Variants in RAB7A observed in about 807,000 individuals in gnomAD.
RAB7A encodes the protein RAB7A, member RAS oncogene family, also known as ras-related protein Rab-7a.
A neutral mutation model predicts 24.5 loss-of-function variants in RAB7A; 2 were observed. The observed-to-expected ratio is 0.08, with a 90% CI of 0.03 to 0.26. The LOEUF is 0.26. Among genes scored for constraint, RAB7A ranks in the 10% least tolerant of loss-of-function variants. The pLI, the probability that RAB7A is intolerant of heterozygous loss-of-function variation, is 1.00. For missense variants in RAB7A, 118 were observed against 255.7 expected, an observed-to-expected ratio of 0.46 and a Z score of 3.67; for synonymous variants, 100 against 95.9, an observed-to-expected ratio of 1.04 and a Z score of -0.25.
intron 1 of RAB7A, among the ~76,000 whole-genome samples, chr3:128,740,926 CT>C (rs1262199173): frequency 2.3e-5 from 3 of 130,870 alleles, no homozygotes; most frequent in Non-Finnish European, 5.0e-5. Flanking sequence ...AAAAAAAAGA[CT>C]TGTGTTTCTT....
At chr3:128,810,399 A>G (rs1055004004) in intron 5 of RAB7A, among the ~76,000 whole-genome samples, 2 of 152,068 alleles carry the variant, frequency 1.3e-5, no homozygotes, top group Non-Finnish European at 2.9e-5. Context: ...TGGCTGTTGC[A>G]TTAGTCTGCT....
At chr3:128,767,035 T>A (rs1277246359) in intron 1 of RAB7A, among the ~76,000 whole-genome samples, 1 of 152,176 alleles carries the variant, frequency 6.6e-6, no homozygotes, top group Non-Finnish European at 1.5e-5. Context: ...TGACCATCAC[T>A]GGGGTCTGAT....
At chr3:128,731,661 C>G (rs1045482308) in intron 1 of RAB7A, among the ~76,000 whole-genome samples, 3 of 152,122 alleles carry the variant, frequency 2.0e-5, no homozygotes, top group Non-Finnish European at 4.4e-5. Flanking sequence ...ACCATCCTGC[C>G]TTTCCATTAT....
chr3:128,799,877 C>T (rs114298734), intron 3 of RAB7A, among the ~76,000 whole-genome samples: 2,391 of 152,058 alleles, frequency 0.016, 32 homozygotes, highest in Non-Finnish European at 0.027. Context: ...CATTTAGTAC[C>T]GCAGGAGAGA....
intron 1 of RAB7A, among the ~76,000 whole-genome samples, chr3:128,729,897 G>T (rs2070417696): frequency 6.6e-6 from 1 of 152,122 alleles, no homozygotes; most frequent in Non-Finnish European, 1.5e-5. Flanking sequence ...GTTCCCCTTG[G>T]CATTAAATGT....
At chr3:128,794,239 T>G (rs1197338362) in intron 1 of RAB7A, among the ~76,000 whole-genome samples, 2 of 152,214 alleles carry the variant, frequency 1.3e-5, no homozygotes, top group African/African-American at 4.8e-5. Context: ...TGGCATACCT[T>G]AAGATGGTAG....
chr3:128,760,534 TAG>T (rs2070768923), intron 1 of RAB7A, among the ~76,000 whole-genome samples: 1 of 152,178 alleles, frequency 6.6e-6, no homozygotes, highest in Non-Finnish European at 1.5e-5. Flanking sequence ...TCCTACAATG[TAG>T]AGTGCTAATA....
At chr3:128,790,521 A>G (rs1933433387) in intron 1 of RAB7A, among the ~76,000 whole-genome samples, 1 of 152,248 alleles carries the variant, frequency 6.6e-6, no homozygotes, top group Non-Finnish European at 1.5e-5. Context: ...TTTCTGCTTC[A>G]TGTGTAACCA....
At chr3:128,738,594 T>TA (rs1336450100) in intron 1 of RAB7A, among the ~76,000 whole-genome samples, 2 of 152,326 alleles carry the variant, frequency 1.3e-5, no homozygotes, top group African/African-American at 2.4e-5. Context: ...CTTGACCACT[T>TA]ACGTCTATAG....
At chr3:128,799,612 GT>G (rs1286098154) in intron 3 of RAB7A, among the ~76,000 whole-genome samples, 3 of 151,434 alleles carry the variant, frequency 2.0e-5, no homozygotes, top group Non-Finnish European at 4.4e-5. Context: ...GACAGAGCTG[GT>G]ATGAATCTCT....
chr3:128,752,978 G>A (rs187201537), intron 1 of RAB7A, among the ~76,000 whole-genome samples: 21 of 152,246 alleles, frequency 1.4e-4, no homozygotes, highest in Admixed American at 9.2e-4. Flanking sequence ...CTGACATCAT[G>A]ATACCCTAAG....
At chr3:128,806,659 T>C in intron 4 of RAB7A, 69 bp downstream of exon 4, 2 of 1,446,106 alleles carry the variant, frequency 1.4e-6, no homozygotes, top group Non-Finnish European at 1.9e-6. Flanking sequence ...ATTTGGAGGG[T>C]TCTCTGCTAA....
intron 3 of RAB7A, chr3:128,799,204 A>G (rs1366479021): frequency 6.6e-6 from 1 of 151,972 alleles, no homozygotes; most frequent in East Asian, 1.9e-4. Flanking sequence ...ACGTTCATGC[A>G]TTACGGAGGC....
At chr3:128,737,501 GC>G (rs1318956569) in intron 1 of RAB7A, among the ~76,000 whole-genome samples, 5 of 151,102 alleles carry the variant, frequency 3.3e-5, no homozygotes, top group Non-Finnish European at 5.9e-5. Flanking sequence ...GCACCACCAT[GC>G]CCCAGCTAAT....
Position 128,755,465 on chromosome 3 carries a change from AACTC to A in RAB7A, c.-9+29108_-9+29111del, listed in dbSNP as rs1156868695. Among the ~76,000 whole-genome samples, 4 of 152,190 alleles carry A rather than the reference AACTC, an allele frequency of 2.6e-5. No homozygotes were observed. In the East Asian group the frequency reaches 5.8e-4, roughly 22 times the overall value. On this transcript the variant is annotated intron_variant, in intron 1 of 5. Transcript: ENST00000265062. ...CACCTTAACAAAGTAGAAAACAACAAACTCAAAGCTAGCAGAAAGAAGGAACTAA... is the reference window on the plus strand; with the variant it reads ...CACCTTAACAAAGTAGAAAACAACAAAAAGCTAGCAGAAAGAAGGAACTAA...
chr3:128,730,340 C>T (rs2070422904), intron 1 of RAB7A, among the ~76,000 whole-genome samples: 1 of 151,998 alleles, frequency 6.6e-6, no homozygotes, highest in African/African-American at 2.4e-5. Flanking sequence ...TGCCATTCTC[C>T]TGCCTCAGCC....
chr3:128,796,130 G>A (rs1038386611), intron 2 of RAB7A, among the ~76,000 whole-genome samples: 1 of 152,142 alleles, frequency 6.6e-6, no homozygotes, highest in Admixed American at 6.5e-5. Flanking sequence ...AAGAGCCTGG[G>A]ACGGCAGAAC....
intron 1 of RAB7A, among the ~76,000 whole-genome samples, chr3:128,735,239 G>A (rs938646972): frequency 1.3e-5 from 2 of 152,222 alleles, no homozygotes; most frequent in African/African-American, 4.8e-5. Context: ...TGGTAGGCAG[G>A]TGAGAGTTGG....
chr3:128,813,464 G>C lies in RAB7A; in HGVS notation c.*42G>C, dbSNP rs1469973203. On this transcript the variant is annotated 3_prime_UTR_variant, in exon 6 of 6. Coordinates refer to ENST00000265062, the MANE Select transcript of RAB7A (RefSeq NM_004637.6). Reference sequence around the variant, plus strand: ...GAGCACAGAGTCCTTCACAAACCAAGAACACACGTAGGCCTTCAACACAAT... The same window carrying C: ...GAGCACAGAGTCCTTCACAAACCAACAACACACGTAGGCCTTCAACACAAT... 1.9e-6 allele frequency: 3 copies of C among 1,556,978 alleles called. No individual in the cohort carries two copies. Among genetic ancestry groups the C allele is most frequent in the Non-Finnish European group, 2.7e-6 (3 of 1,129,010 alleles).
Sources: gnomAD v4.1 joint callset for allele counts (sites outside exome capture counted in the v4.1 genomes callset) on GRCh38, gnomAD v4.1.1 for gene constraint, MANE v1.5 for transcripts, NCBI Gene and HGNC (gene_info 2026-07-23, HGNC 2026-07-21) for gene names.